The following KDM5B variants were observed in gnomAD, a reference collection of about 807,000 sequenced individuals.
KDM5B encodes lysine-specific demethylase 5B.
KDM5B carries 144 observed loss-of-function variants against 193.4 expected under a neutral mutation model. The observed-to-expected ratio is 0.74, with a 90% confidence interval of 0.65 to 0.86. The LOEUF is 0.86. Among genes scored for constraint, KDM5B ranks in the 40% least tolerant of loss-of-function variants. KDM5B has a pLI of 0.00. For missense variants in KDM5B, 1,833 were observed against 1,886.9 expected (o/e 0.97, Z 0.53); for synonymous variants, 668 against 682.6 (o/e 0.98, Z 0.33).
At chr1:202,783,004 C>T (rs115386964) in intron 1 of KDM5B, among the ~76,000 whole-genome samples, 278 of 152,226 alleles carry the variant, frequency 1.8e-3, no homozygotes, top group Middle Eastern at 3.4e-3. Context: ...ACAGCACTTT[C>T]GGAGGCCAAG....
intron 20 of KDM5B, among the ~76,000 whole-genome samples, chr1:202,739,347 T>C (rs1256466351): frequency 1.3e-5 from 2 of 152,084 alleles, no homozygotes; most frequent in African/African-American, 2.4e-5. Flanking sequence ...TCCAAATAAG[T>C]ATGAATAGAA....
Position 202,761,155 on chromosome 1 carries a change from T to C in KDM5B, c.919-582A>G, listed in dbSNP as rs552704682. 1.3e-3 allele frequency among the ~76,000 whole-genome samples: 198 copies of C among 152,304 alleles called. 1 individual carries two copies. The highest frequency in any genetic ancestry group is 2.1e-3 in the Non-Finnish European group (146 of 68,034). On this transcript the variant is annotated intron_variant, in intron 7 of 26. Transcript: ENST00000367265. The stretch of plus-strand genomic sequence containing the variant: ...AAAGTTAACCACATTAAACTACCAA[T>C]TTAGGCCTGGCACGGTGGCTTAAGC...
intron 17 of KDM5B, 31 bp from the exon 18 acceptor site, chr1:202,742,536 T>G (rs769411052): frequency 6.2e-7 from 1 of 1,604,734 alleles, no homozygotes; most frequent in Non-Finnish European, 8.5e-7. Context: ...GGAAGCCATA[T>G]AAGAATACAT....
intron 1 of KDM5B, among the ~76,000 whole-genome samples, chr1:202,804,413 C>G (rs1277645812): frequency 6.6e-6 from 1 of 151,876 alleles, no homozygotes; most frequent in Non-Finnish European, 1.5e-5. Context: ...AGGGTTAGGC[C>G]TAAGTCGATC....
intron 1 of KDM5B, among the ~76,000 whole-genome samples, chr1:202,801,634 C>CAATTTTATTTAAAATTA (rs11270259): frequency 0.76 from 115,036 of 151,858 alleles, 45,328 homozygotes; most frequent in Non-Finnish European, 0.86. Flanking sequence ...TTTTTATTTA[C>CAATTTTATTTAAAATTA]AATTTTCATT....
chr1:202,771,195 C>T (rs1656696818), intron 4 of KDM5B, among the ~76,000 whole-genome samples: 1 of 152,038 alleles, frequency 6.6e-6, no homozygotes, highest in Admixed American at 6.6e-5. Context: ...CCACATTCAA[C>T]ATTCTATTTT....
intron 1 of KDM5B, among the ~76,000 whole-genome samples, chr1:202,779,481 AAAAAAAAAG>A (rs1657103734): frequency 6.6e-6 from 1 of 151,658 alleles, no homozygotes; most frequent in Non-Finnish European, 1.5e-5. Context: ...TCCGTCTCAA[AAAAAAAAAG>A]AAAAAAAAGA....
chr1:202,729,547 T>C (rs1180925581), intron 26 of KDM5B, 160 bp downstream of exon 26: 6 of 634,386 alleles, frequency 9.5e-6, no homozygotes, highest in African/African-American at 1.8e-5. Flanking sequence ...CCAGGAACGA[T>C]GGTAAGAGCA....
chr1:202,775,893 T>C (rs1461693224), intron 2 of KDM5B, among the ~76,000 whole-genome samples: 2 of 129,018 alleles, frequency 1.6e-5, no homozygotes, highest in African/African-American at 5.7e-5. Flanking sequence ...TATATATATA[T>C]ATATATATAT....
At chr1:202,754,010 A>G (rs1421984449) in intron 11 of KDM5B, among the ~76,000 whole-genome samples, 4 of 152,184 alleles carry the variant, frequency 2.6e-5, no homozygotes, top group Non-Finnish European at 5.9e-5. Flanking sequence ...TCACTTCAGG[A>G]TATGTTGTTA....
At position 202,733,648 on chromosome 1, in the gene KDM5B, C is replaced by T; in HGVS notation, c.3662G>A (p.Cys1221Tyr). The part of the protein sequence containing the change: ...QGLRIWLCPH[C>Y]RRSEKPPLEK... ...TAATGGAGGTTTCTCTGACCTCCGACAATGGGGACAAAGCCAGATTCGCAG... is the reference window on the plus strand; with the variant it reads ...TAATGGAGGTTTCTCTGACCTCCGATAATGGGGACAAAGCCAGATTCGCAG... The change falls in exon 23 of 27, where the codon TGT becomes TAT. Residue 1221 changes from cysteine (C) to tyrosine (Y), a missense_variant. Coordinates refer to ENST00000367265, the MANE Select transcript of KDM5B (RefSeq NM_006618.5). The T allele has an allele frequency of 6.2e-7, 1 of 1,614,146 alleles. No individual in the cohort carries two copies. The highest frequency in any genetic ancestry group is 8.5e-7 in the Non-Finnish European group (1 of 1,180,004).
At chr1:202,764,739 G>A (rs563072348) in intron 5 of KDM5B, among the ~76,000 whole-genome samples, 41 of 152,224 alleles carry the variant, frequency 2.7e-4, no homozygotes, top group Admixed American at 2.0e-4. Context: ...AGCATTTTGG[G>A]GGGGCCAAGG....
rs567251333 is a variant in KDM5B, at chr1:202,729,541, G to A, written c.4497+166C>T. ...CTTCAAGAAAAGGGAGGAGACCCAGGAACGATGGTAAGAGCACAGATATCA... is the reference window on the plus strand; with the variant it reads ...CTTCAAGAAAAGGGAGGAGACCCAGAAACGATGGTAAGAGCACAGATATCA... On this transcript the variant is annotated intron_variant, in intron 26 of 26. Coordinates refer to ENST00000367265, the MANE Select transcript of KDM5B (RefSeq NM_006618.5). The A allele has an allele frequency of 1.7e-5, 11 of 631,932 alleles. No homozygotes were observed. In the African/African-American group the frequency reaches 1.8e-4, roughly 11 times the overall value. 39.1% of individuals were successfully genotyped at this position (631,932 alleles called of 1,614,324 possible).
At position 202,742,505 on chromosome 1, in the gene KDM5B, T is replaced by G; in HGVS notation, c.2475A>C (p.Arg825Ser). ...GGGATTTCCCTCCACCAGATCGATA[T>G]CTGTAAAGACAAAGGCCCAAGGAAG... The part of the protein sequence containing the change: ...QQLLNGKRQT[R>S]YRSGGGKSQN... The change falls in exon 18 of 27, where the codon AGA becomes AGC. Residue 825 changes from arginine to serine, a missense_variant and splice_region_variant. Transcript: ENST00000367265. 1 of 1,613,650 alleles carries G rather than the reference T, an allele frequency of 6.2e-7. No individual in the cohort carries two copies. The highest frequency in any genetic ancestry group is 8.5e-7 in the Non-Finnish European group (1 of 1,179,738).
At chr1:202,775,440 G>C (rs1234507914) in intron 2 of KDM5B, among the ~76,000 whole-genome samples, 3 of 152,094 alleles carry the variant, frequency 2.0e-5, no homozygotes, top group Non-Finnish European at 4.4e-5. Flanking sequence ...AGGAGGCTGA[G>C]GCAGGAAAAT....
intron 20 of KDM5B, among the ~76,000 whole-genome samples, chr1:202,736,807 A>G (rs1276723830): frequency 6.6e-6 from 1 of 151,934 alleles, no homozygotes; most frequent in East Asian, 1.9e-4. Context: ...ACGCCCAACT[A>G]ATTTTTATAT....
At chr1:202,770,490 T>C (rs1163380355) in intron 4 of KDM5B, among the ~76,000 whole-genome samples, 2 of 152,146 alleles carry the variant, frequency 1.3e-5, no homozygotes, top group African/African-American at 4.8e-5. Context: ...ATTTCAAAAA[T>C]CAGAAATAGG....
intron 11 of KDM5B, among the ~76,000 whole-genome samples, chr1:202,753,916 G>A (rs1000808587): frequency 1.1e-4 from 16 of 151,816 alleles, no homozygotes; most frequent in South Asian, 2.1e-4. Flanking sequence ...TGAACCGCCC[G>A]CCTCAGCTTA....
At position 202,752,969 on chromosome 1, in the gene KDM5B, G is replaced by A. The variant is rs1376787036; in HGVS notation, c.1637C>T (p.Pro546Leu). 35 of 1,613,914 alleles carry A rather than the reference G, an allele frequency of 2.2e-5. No individual in the cohort carries two copies. Among genetic ancestry groups the A allele is most frequent in the Non-Finnish European group, 2.5e-5 (30 of 1,179,976 alleles). ...KLAPELFVSQ[P>L]DLLHQLVTIM... ...GGTCACAAGCTGATGGAGGAGATCC[G>A]GCTGGGACACAAAGAGTTCTGGAGC... The change falls in exon 12 of 27, where the codon CCG (proline) becomes CTG (leucine). Residue 546 changes from proline to leucine, a missense_variant. Physicochemically the swap from Pro to Leu is moderately conservative, Grantham distance 98 (BLOSUM62 -3). Transcript: ENST00000367265.
Sources: allele counts gnomAD v4.1 joint callset (sites outside exome capture counted in the v4.1 genomes callset), GRCh38; gene constraint gnomAD v4.1.1; transcripts MANE v1.5; gene names NCBI Gene and HGNC (gene_info 2026-07-23, HGNC 2026-07-21).